Variants in BRAF observed in about 807,000 individuals in gnomAD.
BRAF encodes B-Raf proto-oncogene, serine/threonine kinase, also known as serine/threonine-protein kinase B-raf.
Under a neutral mutation model 104.6 loss-of-function variants are expected in BRAF, and 16 were observed. The observed-to-expected ratio is 0.15, with a 90% CI of 0.10 to 0.23. The LOEUF (loss-of-function observed/expected upper bound fraction) is 0.23. BRAF is among the 10% of genes least tolerant of loss of function. The pLI is 1.00. For missense variants in BRAF, 541 were observed against 937.3 expected (o/e 0.58, Z 5.52); for synonymous variants, 310 against 341.6 (o/e 0.91, Z 1.02).
chr7:140,721,525 T>A lies in BRAF; in HGVS notation c.*4969A>T. ...GTCTAGTGTACTAATAAAACAAACATCTTACCAGTATTTTTAATTTTACCA... is the reference window on the plus strand; with the variant it reads ...GTCTAGTGTACTAATAAAACAAACAACTTACCAGTATTTTTAATTTTACCA... On this transcript the variant is annotated 3_prime_UTR_variant, in exon 20 of 20. Transcript: ENST00000644969. The A allele has an allele frequency of 1.4e-6, 2 of 1,430,294 alleles. No individual in the cohort carries two copies. Among genetic ancestry groups the A allele is most frequent in the Non-Finnish European group, 1.8e-6 (2 of 1,096,170 alleles). The allele number at this position is 1,430,294 out of a possible 1,614,324, so 88.6% of individuals were successfully genotyped here.
intron 7 of BRAF, chr7:140,800,117 G>A (rs907120693): frequency 3.6e-6 from 2 of 550,308 alleles, no homozygotes; most frequent in Non-Finnish European, 6.4e-6. Context: ...TGTCACTGAA[G>A]AGCAGAAGTC....
At chr7:140,781,455 A>C (rs957906770) in intron 12 of BRAF, 121 bp downstream of exon 11, 2 of 1,054,436 alleles carry the variant, frequency 1.9e-6, no homozygotes, top group African/African-American at 3.1e-5. Context: ...CCTGAAACTA[A>C]TCAAAATAGT....
intron 1 of BRAF, among the ~76,000 whole-genome samples, chr7:140,897,580 T>C (rs1815101388): frequency 6.8e-6 from 1 of 148,018 alleles, no homozygotes; most frequent in African/African-American, 2.5e-5. Flanking sequence ...ATGCAACCTC[T>C]GCCTCCCGGG....
intron 3 of BRAF, among the ~76,000 whole-genome samples, chr7:140,827,227 T>C (rs1043798391): frequency 1.3e-5 from 2 of 152,226 alleles, no homozygotes; most frequent in African/African-American, 2.4e-5. Context: ...AACTCACTGA[T>C]TGTAGACTGT....
downstream of BRAF, among the ~76,000 whole-genome samples, chr7:140,715,854 A>ATCT (rs557813036): frequency 2.0e-4 from 31 of 152,338 alleles, no homozygotes; most frequent in Non-Finnish European, 3.7e-4. Flanking sequence ...AATTTATCAA[A>ATCT]TCTTCACATT....
At chr7:140,807,716 G>A (rs954981664) in intron 5 of BRAF, among the ~76,000 whole-genome samples, 5 of 151,940 alleles carry the variant, frequency 3.3e-5, no homozygotes, top group Admixed American at 1.3e-4. Context: ...ACATACTTCT[G>A]CACTATTCAA....
intron 3 of BRAF, among the ~76,000 whole-genome samples, chr7:140,825,513 A>G: frequency 6.6e-6 from 1 of 152,330 alleles, no homozygotes; most frequent in East Asian, 1.9e-4. Flanking sequence ...AATTTTCTGT[A>G]GTGTTTTCTT....
At chr7:140,887,650 G>A (rs1813727759) in intron 1 of BRAF, among the ~76,000 whole-genome samples, 1 of 151,932 alleles carries the variant, frequency 6.6e-6, no homozygotes, top group South Asian at 2.1e-4. Context: ...CTCTTTTTTG[G>A]GGATATAGGT....
chr7:140,824,945 T>C (rs1805855443), intron 3 of BRAF, among the ~76,000 whole-genome samples: 1 of 151,926 alleles, frequency 6.6e-6, no homozygotes, highest in Non-Finnish European at 1.5e-5. Flanking sequence ...TTCAAATCCT[T>C]TGTCCGTTTT....
At chr7:140,733,222 G>A (rs1796117585) in intron 19 of BRAF, 1 of 152,044 alleles carries the variant, frequency 6.6e-6, no homozygotes, top group Non-Finnish European at 1.5e-5. Context: ...TTATTTGTGG[G>A]TACTTAAAAA....
intron 1 of BRAF, among the ~76,000 whole-genome samples, chr7:140,863,437 A>G (rs1013801981): frequency 1.3e-5 from 2 of 152,216 alleles, no homozygotes; most frequent in African/African-American, 4.8e-5. Flanking sequence ...AAGCCACGGT[A>G]AGTAGAGTTT....
At position 140,724,699 on chromosome 7, in the gene BRAF, C is replaced by G. The variant is rs572780973; in HGVS notation, c.*1795G>C. The G allele has an allele frequency of 9.7e-7, 1 of 1,032,776 alleles. No individual in the cohort carries two copies. 64.0% of individuals were successfully genotyped at this position (1,032,776 alleles called of 1,614,324 possible). On this transcript the variant is annotated 3_prime_UTR_variant, in exon 20 of 20. Transcript: ENST00000644969. ...AGACAGCAGGGCCTGGAGTTACAAT[C>G]TGAAATTTTTAAATAACAATTTCTA...
At chr7:140,739,040 C>G (rs755112120) in intron 18 of BRAF, among the ~76,000 whole-genome samples, 19 of 151,262 alleles carry the variant, frequency 1.3e-4, no homozygotes, top group Non-Finnish European at 2.1e-4. Flanking sequence ...GCCTTACTGC[C>G]TTTTCCTTTT....
intron 12 of BRAF, among the ~76,000 whole-genome samples, chr7:140,778,884 T>C (rs756288117): frequency 9.2e-5 from 14 of 152,176 alleles, no homozygotes; most frequent in Non-Finnish European, 1.5e-4. Context: ...CTGTCCTAGG[T>C]ATATATACCC....
At chr7:140,903,027 C>T (rs940436560) in intron 1 of BRAF, among the ~76,000 whole-genome samples, 8 of 150,644 alleles carry the variant, frequency 5.3e-5, no homozygotes, top group Non-Finnish European at 8.8e-5. Context: ...CGGGTTCAAG[C>T]GATTCTCCTG....
downstream of BRAF, among the ~76,000 whole-genome samples, chr7:140,718,868 A>G (rs1289642492): frequency 3.9e-5 from 6 of 152,232 alleles, no homozygotes; most frequent in African/African-American, 1.4e-4. Flanking sequence ...AATGAAGTAG[A>G]AAACATGAGT....
At chr7:140,796,348 TAAAA>T (rs35137743) in intron 7 of BRAF, among the ~76,000 whole-genome samples, 1 of 127,192 alleles carries the variant, frequency 7.9e-6, no homozygotes, top group African/African-American at 2.8e-5. Context: ...GACTCCATCT[TAAAA>T]AAAAAAAAAA....
chr7:140,829,636 T>C (rs889877929), intron 3 of BRAF, among the ~76,000 whole-genome samples: 1 of 152,204 alleles, frequency 6.6e-6, no homozygotes, highest in African/African-American at 2.4e-5. Context: ...AGATCTTTAA[T>C]GGCCCTGATC....
At chr7:140,921,268 A>G (rs1472061628) in intron 1 of BRAF, among the ~76,000 whole-genome samples, 1 of 152,176 alleles carries the variant, frequency 6.6e-6, no homozygotes, top group Admixed American at 6.5e-5. Context: ...CCATAGAAAA[A>G]AAATCAGGTA....
Sources: allele counts gnomAD v4.1 joint callset (sites outside exome capture counted in the v4.1 genomes callset), GRCh38; gene constraint gnomAD v4.1.1; transcripts MANE v1.5; gene names NCBI Gene and HGNC (gene_info 2026-07-23, HGNC 2026-07-21).